Variants in MMP24OS observed in about 807,000 individuals in gnomAD.
The protein encoded by MMP24OS is protein MMP24OS.
chr20:35,277,183 G>T lies in MMP24OS; in HGVS notation c.*531C>A, dbSNP rs1489546096. 1 of 152,318 alleles carries T rather than the reference G, an allele frequency of 6.6e-6. No homozygotes were observed. The highest frequency in any genetic ancestry group is 2.4e-5 in the African/African-American group (1 of 41,434). 9.4% of individuals were successfully genotyped at this position (152,318 alleles called of 1,614,324 possible). ...GCCCTGGGGGCCCAGGGTTATTGGG[G>T]TTCCAGGAACACAGCCTGATGATGC... On this transcript the variant is annotated 3_prime_UTR_variant, in exon 2 of 2. Transcript: ENST00000456790.
rs58736438 is a variant in MMP24OS at position 35,277,779 on chromosome 20, C to CGGGCTCGGGCTGGGGCTG, written c.150_151insCAGCCCCAGCCCGAGCCC (p.Pro50_Glu51insGlnProGlnProGluPro). The stretch of plus-strand genomic sequence containing the variant: ...TCCAGCGGCCCCCACGGGCTGGGCT[C>CGGGCTCGGGCTGGGGCTG]GGGCTGGGGCTGGGGCTGGGGCTGG... On this transcript the variant is annotated inframe_insertion, in exon 2 of 2. Transcript: ENST00000456790. The CGGGCTCGGGCTGGGGCTG allele has an allele frequency of 4.8e-3, 821 of 172,506 alleles. 5 individuals are homozygous for CGGGCTCGGGCTGGGGCTG. The highest frequency in any genetic ancestry group is 0.015 in the South Asian group (61 of 4,022). The allele number at this position is 172,506 out of a possible 1,614,324, so 10.7% of individuals were successfully genotyped here. A position where few individuals can be genotyped will look rare whatever the true frequency, so the allele number is the denominator to read the frequency against.
chr20:35,277,023 G>C lies in MMP24OS; in HGVS notation c.*691C>G, dbSNP rs1295884650. On this transcript the variant is annotated 3_prime_UTR_variant, in exon 2 of 2. Coordinates refer to ENST00000456790, the MANE Select transcript of MMP24OS (RefSeq NM_001355003.2). ...AGTGTGTCATTTCCCTGGGATGAGG[G>C]AACAAAGATCAGGTTCCAAGAGTAA... 2 of 152,688 alleles carry C rather than the reference G, an allele frequency of 1.3e-5. No homozygotes were observed. The highest frequency in any genetic ancestry group is 2.9e-5 in the Non-Finnish European group (2 of 68,064). The allele number at this position is 152,688 out of a possible 1,614,324, so 9.5% of individuals were successfully genotyped here.
Position 35,277,814 on chromosome 20 carries a change from T to C in MMP24OS, c.116A>G (p.Gln39Arg). Reference sequence around the variant, plus strand: ...CTGGGGCTGGGGCTGGGGCTGGGGCTGGGGCGGATGCCGGGGCTGTTCCGG... The same window carrying C: ...CTGGGGCTGGGGCTGGGGCTGGGGCCGGGGCGGATGCCGGGGCTGTTCCGG... ...EGPEQPRHPP[Q>R]PQPQPQPQPQ... Residue 39 changes from glutamine to arginine, a missense_variant, in exon 2 of 2, where the codon CAG becomes CGG. Physicochemically the swap from Gln to Arg is conservative, Grantham distance 43. Transcript: ENST00000456790. 9.9e-6 allele frequency: 1 copy of C among 100,518 alleles called. No homozygotes were observed. The highest frequency in any genetic ancestry group is 1.7e-5 in the Non-Finnish European group (1 of 59,236). The allele number at this position is 100,518 out of a possible 1,614,324, so 6.2% of individuals were successfully genotyped here.
At position 35,277,368 on chromosome 20, in the gene MMP24OS, G is replaced by A. The variant is rs2060717189; in HGVS notation, c.*346C>T. The A allele has an allele frequency of 3.4e-6, 1 of 290,352 alleles. No individual in the cohort carries two copies. The highest frequency in any genetic ancestry group is 6.4e-6 in the Non-Finnish European group (1 of 157,072). The allele number at this position is 290,352 out of a possible 1,614,324, so 18.0% of individuals were successfully genotyped here. A position where few individuals can be genotyped will look rare whatever the true frequency, so the allele number is the denominator to read the frequency against. ...AATAAAAGGCAGACGAAGTCAGGAG[G>A]TCAGCAACTTTGCGGGCTTACCAGG... On this transcript the variant is annotated 3_prime_UTR_variant, in exon 2 of 2. Transcript: ENST00000456790.
chr20:35,276,473 T>G lies in MMP24OS; in HGVS notation c.*1241A>C, dbSNP rs529713999. ...CCTCAGATGAAGCACAGAGAGGTTGTTACTTGCCCGGGCCATCCAGTGGGC... is the reference window on the plus strand; with the variant it reads ...CCTCAGATGAAGCACAGAGAGGTTGGTACTTGCCCGGGCCATCCAGTGGGC... On this transcript the variant is annotated 3_prime_UTR_variant, in exon 2 of 2. Coordinates refer to ENST00000456790, the MANE Select transcript of MMP24OS (RefSeq NM_001355003.2). The G allele has an allele frequency of 3.0e-5, 12 of 395,848 alleles. No homozygotes were observed. Among genetic ancestry groups the G allele is most frequent in the Non-Finnish European group, 4.5e-5 (10 of 224,572 alleles). The allele number at this position is 395,848 out of a possible 1,614,324, so 24.5% of individuals were successfully genotyped here.
chr20:35,276,398 C>A lies in MMP24OS; in HGVS notation c.*1316G>T, dbSNP rs1479003222. The A allele has an allele frequency of 2.5e-6, 1 of 398,382 alleles. No individual in the cohort carries two copies. Among genetic ancestry groups the A allele is most frequent in the Non-Finnish European group, 4.4e-6 (1 of 225,988 alleles). 24.7% of individuals were successfully genotyped at this position (398,382 alleles called of 1,614,324 possible). A position where few individuals can be genotyped will look rare whatever the true frequency, so the allele number is the denominator to read the frequency against. On this transcript the variant is annotated 3_prime_UTR_variant, in exon 2 of 2. Transcript: ENST00000456790. ...TTATTAGCTCACACCTGTCCACTCA[C>A]ATGAAACTCGTGTTAGGCCCTGGGA...
rs945209732 is a variant in MMP24OS at position 35,276,724 on chromosome 20, G to A, written c.*990C>T. ...AGCTGAGAATGAACAGGAGATGGAG[G>A]CAGGCAGCCCAGGCTGCAGAGGTGA... On this transcript the variant is annotated 3_prime_UTR_variant, in exon 2 of 2. Coordinates refer to ENST00000456790, the MANE Select transcript of MMP24OS (RefSeq NM_001355003.2). 4.0e-4 allele frequency: 62 copies of A among 155,968 alleles called. No homozygotes were observed. Among genetic ancestry groups the A allele is most frequent in the Non-Finnish European group, 7.1e-4 (50 of 70,334 alleles). The allele number at this position is 155,968 out of a possible 1,614,324, so 9.7% of individuals were successfully genotyped here.
rs1394847265 is a variant in MMP24OS at position 35,277,667 on chromosome 20, C to G, written c.*47G>C. ...GGAGAGGAGACAAGGCAGGCAAGAACCACAGGGGACGGCGGACAGACGGGC... is the reference window on the plus strand; with the variant it reads ...GGAGAGGAGACAAGGCAGGCAAGAAGCACAGGGGACGGCGGACAGACGGGC... On this transcript the variant is annotated 3_prime_UTR_variant, in exon 2 of 2. Transcript: ENST00000456790. 6 of 396,394 alleles carry G rather than the reference C, an allele frequency of 1.5e-5. No individual in the cohort carries two copies. In the East Asian group the frequency reaches 2.1e-4, roughly 14 times the overall value. 24.6% of individuals were successfully genotyped at this position (396,394 alleles called of 1,614,324 possible).
Position 35,277,663 on chromosome 20 carries a change from A to G in MMP24OS, c.*51T>C. ...GTGGGGAGAGGAGACAAGGCAGGCA[A>G]GAACCACAGGGGACGGCGGACAGAC... is the stretch of plus-strand genomic sequence containing the variant. On this transcript the variant is annotated 3_prime_UTR_variant, in exon 2 of 2. Transcript: ENST00000456790. 1 of 396,304 alleles carries G rather than the reference A, an allele frequency of 2.5e-6. No homozygotes were observed. The highest frequency in any genetic ancestry group is 4.5e-6 in the Non-Finnish European group (1 of 224,558). 24.5% of individuals were successfully genotyped at this position (396,304 alleles called of 1,614,324 possible). A position where few individuals can be genotyped will look rare whatever the true frequency, so the allele number is the denominator to read the frequency against.
In MMP24OS at chr20:35,277,381, CG is replaced by C; in HGVS notation, c.*332del. ...CGAAGTCAGGAGGTCAGCAACTTTGCGGGCTTACCAGGAGGCCTGTCCTGCC... is the reference window on the plus strand; with the variant it reads ...CGAAGTCAGGAGGTCAGCAACTTTGCGGCTTACCAGGAGGCCTGTCCTGCC... On this transcript the variant is annotated 3_prime_UTR_variant, in exon 2 of 2. Transcript: ENST00000456790. 1 of 307,548 alleles carries C rather than the reference CG, an allele frequency of 3.3e-6. No individual in the cohort carries two copies. The highest frequency in any genetic ancestry group is 6.0e-6 in the Non-Finnish European group (1 of 167,732). 19.1% of individuals were successfully genotyped at this position (307,548 alleles called of 1,614,324 possible).
rs184345942 is a variant in MMP24OS at position 35,277,439 on chromosome 20, C to T, written c.*275G>A. The T allele has an allele frequency of 4.0e-4, 149 of 368,440 alleles. No homozygotes were observed. The highest frequency in any genetic ancestry group is 2.8e-3 in the African/African-American group (136 of 47,812). The allele number at this position is 368,440 out of a possible 1,614,324, so 22.8% of individuals were successfully genotyped here. On this transcript the variant is annotated 3_prime_UTR_variant, in exon 2 of 2. Coordinates refer to ENST00000456790, the MANE Select transcript of MMP24OS (RefSeq NM_001355003.2). ...AGCCAGCGACAGAGAGGGATGCCCC[C>T]GACCCAGCCAGCCGGAGAAAGGGAT...
chr20:35,277,942 G>C lies in MMP24OS; in HGVS notation c.-3-10C>G, dbSNP rs1032087034. ...GCTGAGCCCCCATGGTCTGCAAGAA[G>C]AGAAGCCCTTTAAGGTCTGGGTCGC... On this transcript the variant is annotated splice_polypyrimidine_tract_variant and intron_variant, in intron 1 of 1. Coordinates refer to ENST00000456790, the MANE Select transcript of MMP24OS (RefSeq NM_001355003.2). 7.6e-6 allele frequency: 3 copies of C among 397,160 alleles called. No individual in the cohort carries two copies. Among genetic ancestry groups the C allele is most frequent in the Non-Finnish European group, 1.3e-5 (3 of 225,186 alleles). 24.6% of individuals were successfully genotyped at this position (397,160 alleles called of 1,614,324 possible).
chr20:35,278,023 C>G lies in MMP24OS; in HGVS notation c.-18G>C, dbSNP rs1367877322. On this transcript the variant is annotated 5_prime_UTR_variant, in exon 1 of 2. Coordinates refer to ENST00000456790, the MANE Select transcript of MMP24OS (RefSeq NM_001355003.2). ...TCTGCCCTCACCTCTCGCAGCCAGA[C>G]CCGCGGGTCTCCCGGAACCCACCTC... The G allele has an allele frequency of 6.9e-5, 27 of 389,462 alleles. No individual in the cohort carries two copies. Among genetic ancestry groups the G allele is most frequent in the Non-Finnish European group, 1.1e-4 (25 of 220,288 alleles). The allele number at this position is 389,462 out of a possible 1,614,324, so 24.1% of individuals were successfully genotyped here.
chr20:35,276,749 AGGGATGTGGGGCCAG>A lies in MMP24OS; in HGVS notation c.*950_*964del, dbSNP rs903333170. 1 of 154,132 alleles carries A rather than the reference AGGGATGTGGGGCCAG, an allele frequency of 6.5e-6. No homozygotes were observed. The highest frequency in any genetic ancestry group is 1.4e-5 in the Non-Finnish European group (1 of 69,098). 9.5% of individuals were successfully genotyped at this position (154,132 alleles called of 1,614,324 possible). A position where few individuals can be genotyped will look rare whatever the true frequency, so the allele number is the denominator to read the frequency against. On this transcript the variant is annotated 3_prime_UTR_variant, in exon 2 of 2. Transcript: ENST00000456790. ...GCAGGCAGCCCAGGCTGCAGAGGTG[AGGGATGTGGGGCCAG>A]GCCCAGAGGGCTCAGCCTAGAGGCT... is the stretch of plus-strand genomic sequence containing the variant.
rs1174443025 is a variant in MMP24OS at position 35,277,751 on chromosome 20, T to C, written c.179A>G (p.Asp60Gly). Residue 60 changes from aspartate (D) to glycine (G), a missense_variant, in exon 2 of 2, where the codon GAC (aspartate) becomes GGC (glycine). Physicochemically the swap from Asp to Gly is moderately conservative, Grantham distance 94 (BLOSUM62 -1). Transcript: ENST00000456790. ...AGTGCAGGCGATGAGGAAGCGCACGTCGTCCAGCGGCCCCCACGGGCTGGG... is the reference window on the plus strand; with the variant it reads ...AGTGCAGGCGATGAGGAAGCGCACGCCGTCCAGCGGCCCCCACGGGCTGGG... Reference protein sequence around the residue: ...PEPSPWGPLDDVRFLIACTSW... With the variant: ...PEPSPWGPLDGVRFLIACTSW... 4 of 274,396 alleles carry C rather than the reference T, an allele frequency of 1.5e-5. No individual in the cohort carries two copies. Among genetic ancestry groups the C allele is most frequent in the Middle Eastern group, 9.6e-4 (1 of 1,038 alleles). The allele number at this position is 274,396 out of a possible 1,614,324, so 17.0% of individuals were successfully genotyped here.
In MMP24OS at chr20:35,278,116, C is replaced by G; in HGVS notation, c.-111G>C. 1 of 386,158 alleles carries G rather than the reference C, an allele frequency of 2.6e-6. No individual in the cohort carries two copies. Among genetic ancestry groups the G allele is most frequent in the African/African-American group, 2.1e-5 (1 of 48,102 alleles). The allele number at this position is 386,158 out of a possible 1,614,324, so 23.9% of individuals were successfully genotyped here. A position where few individuals can be genotyped will look rare whatever the true frequency, so the allele number is the denominator to read the frequency against. On this transcript the variant is annotated 5_prime_UTR_variant, in exon 1 of 2. Coordinates refer to ENST00000456790, the MANE Select transcript of MMP24OS (RefSeq NM_001355003.2). ...CGACCTCACCCTCCGTGCGTTGGAG[C>G]GGAAAGAAGGGACTCGACCCTGTGC...
rs2060722560 is a variant in MMP24OS, at chr20:35,277,726, A to G, written c.204T>C (p.Thr68=). The change falls in exon 2 of 2, where the codon ACT becomes ACC. Residue 68 remains threonine (T), a synonymous_variant. Coordinates refer to ENST00000456790, the MANE Select transcript of MMP24OS (RefSeq NM_001355003.2). ...LDDVRFLIAC[T]SWY is the part of the protein sequence containing the mutation. ...GCGGAGGACGCCGTCAGTACCAGGAAGTGCAGGCGATGAGGAAGCGCACGT... is the reference window on the plus strand; with the variant it reads ...GCGGAGGACGCCGTCAGTACCAGGAGGTGCAGGCGATGAGGAAGCGCACGT... 1 of 327,382 alleles carries G rather than the reference A, an allele frequency of 3.1e-6. No homozygotes were observed. The highest frequency in any genetic ancestry group is 5.4e-5 in the Admixed American group (1 of 18,660). The allele number at this position is 327,382 out of a possible 1,614,324, so 20.3% of individuals were successfully genotyped here.
At position 35,277,897 on chromosome 20, in the gene MMP24OS, G is replaced by A; in HGVS notation, c.33C>T (p.Ala11=). Residue 11 remains alanine, a synonymous_variant, in exon 2 of 2, where the codon GCC becomes GCT. Coordinates refer to ENST00000456790, the MANE Select transcript of MMP24OS (RefSeq NM_001355003.2). ...GGGGCTGGGTTTGCGCAGGCTCCGG[G>A]GCGCCGCGGCCGCCGCTTAGCTGAG... MGAQLSGGRG[A]PEPAQTQPQP... 2.5e-6 allele frequency: 1 copy of A among 398,570 alleles called. No homozygotes were observed. The highest frequency in any genetic ancestry group is 4.4e-6 in the Non-Finnish European group (1 of 226,234). The allele number at this position is 398,570 out of a possible 1,614,324, so 24.7% of individuals were successfully genotyped here. A position where few individuals can be genotyped will look rare whatever the true frequency, so the allele number is the denominator to read the frequency against.
rs553232191 is a variant in MMP24OS, at chr20:35,276,479, G to A, written c.*1235C>T. ...ATGAAGCACAGAGAGGTTGTTACTT[G>A]CCCGGGCCATCCAGTGGGCTGGCTG... On this transcript the variant is annotated 3_prime_UTR_variant, in exon 2 of 2. Coordinates refer to ENST00000456790, the MANE Select transcript of MMP24OS (RefSeq NM_001355003.2). The A allele has an allele frequency of 7.6e-5, 30 of 395,170 alleles. No homozygotes were observed. The East Asian group carries it at 9.3e-4, about 12-fold the overall frequency. 24.5% of individuals were successfully genotyped at this position (395,170 alleles called of 1,614,324 possible). A position where few individuals can be genotyped will look rare whatever the true frequency, so the allele number is the denominator to read the frequency against.
Sources: gnomAD v4.1 joint callset for allele counts on GRCh38, gnomAD v4.1.1 for gene constraint, MANE v1.5 for transcripts, NCBI Gene and HGNC (gene_info 2026-07-23, HGNC 2026-07-21) for gene names.